The following DGCR8 variants were observed in gnomAD, a reference collection of about 807,000 sequenced individuals.
The protein encoded by DGCR8 is microprocessor complex subunit DGCR8.
Under a neutral mutation model 78.5 loss-of-function variants are expected in DGCR8, and 14 were observed. That is an observed-to-expected ratio of 0.18 (90% CI 0.12 to 0.28). The LOEUF (loss-of-function observed/expected upper bound fraction) is 0.28. Among genes scored for constraint, DGCR8 ranks in the 10% least tolerant of loss-of-function variants. The pLI, the probability that DGCR8 is intolerant of heterozygous loss-of-function variation, is 1.00. For missense variants in DGCR8, 702 were observed against 1,022.5 expected (o/e 0.69, Z 4.28); for synonymous variants, 399 against 402.4 (o/e 0.99, Z 0.10).
At chr22:20,101,577 C>CA (rs57386389) in intron 9 of DGCR8, 29,768 of 711,166 alleles carry the variant, frequency 0.042, 2 homozygotes, top group Non-Finnish European at 0.046. Flanking sequence ...GAATATGTCT[C>CA]AAAAAAAAAA....
intron 9 of DGCR8, chr22:20,102,160 TAC>T (rs1438571252): frequency 1.7e-5 from 12 of 725,166 alleles, no homozygotes; most frequent in Admixed American, 1.3e-4. Context: ...TTTTGACAAA[TAC>T]ACAGTCATGT....
At chr22:20,093,004 G>A in intron 8 of DGCR8, 97 bp downstream of exon 8, 1 of 811,114 alleles carries the variant, frequency 1.2e-6, no homozygotes, top group Non-Finnish European at 2.0e-6. Flanking sequence ...ACAAGTGGGG[G>A]ATGTGGGTGG....
In DGCR8 at chr22:20,085,630, C is replaced by A; in HGVS notation, c.-277-57C>A. On this transcript the variant is annotated intron_variant, in intron 1 of 13. Transcript: ENST00000351989. The surrounding 1 kb of genome is among the most constrained non-coding windows in gnomAD (Gnocchi z 6.2). Reference sequence around the variant, plus strand: ...ATAGTGCTTGGCTTTTAACTTGGTACCAGGGAATTGGAAGGTTTCTGTCAT... The same window carrying A: ...ATAGTGCTTGGCTTTTAACTTGGTAACAGGGAATTGGAAGGTTTCTGTCAT... 7.9e-7 allele frequency: 1 copy of A among 1,258,938 alleles called. No homozygotes were observed. The highest frequency in any genetic ancestry group is 1.0e-6 in the Non-Finnish European group (1 of 1,000,134). 78.0% of individuals were successfully genotyped at this position (1,258,938 alleles called of 1,614,324 possible).
rs2049501793 is a variant in DGCR8 at position 20,087,600 on chromosome 22, T to C, written c.880+279T>C. On this transcript the variant is annotated intron_variant, in intron 3 of 13. Coordinates refer to ENST00000351989, the MANE Select transcript of DGCR8 (RefSeq NM_022720.7). This position sits in a 1 kb window ranked among gnomAD's most constrained non-coding sequence, Gnocchi z 4.1. Reference sequence around the variant, plus strand: ...GACTTCTGAGGGGGTCAGGAGGGGATGTTGGTATATGCCAGGAGCCAGCAT... The same window carrying C: ...GACTTCTGAGGGGGTCAGGAGGGGACGTTGGTATATGCCAGGAGCCAGCAT... Among the ~76,000 whole-genome samples, 1 of 151,964 alleles carries C rather than the reference T, an allele frequency of 6.6e-6. No homozygotes were observed. The highest frequency in any genetic ancestry group is 2.1e-4 in the South Asian group (1 of 4,810).
chr22:20,085,073 C>G lies in DGCR8; in HGVS notation c.-277-614C>G, dbSNP rs1329611758. 2 of 973,594 alleles carry G rather than the reference C, an allele frequency of 2.1e-6. No homozygotes were observed. Among genetic ancestry groups the G allele is most frequent in the Non-Finnish European group, 2.4e-6 (2 of 819,378 alleles). 60.3% of individuals were successfully genotyped at this position (973,594 alleles called of 1,614,324 possible). ...ACAGCCACCCACCCCTCTCCTCCATCGGGAACAGAACTATGCTGCCACCTC... is the reference window on the plus strand; with the variant it reads ...ACAGCCACCCACCCCTCTCCTCCATGGGGAACAGAACTATGCTGCCACCTC... On this transcript the variant is annotated intron_variant, in intron 1 of 13. Transcript: ENST00000351989. The surrounding 1 kb of genome is among the most constrained non-coding windows in gnomAD (Gnocchi z 6.2).
chr22:20,096,321 G>A, intron 9 of DGCR8: 1 of 247,790 alleles, frequency 4.0e-6, no homozygotes, highest in Non-Finnish European at 6.4e-6. Context: ...AAGAAGAAGA[G>A]TTGGCCTTGG....
intron 1 of DGCR8, among the ~76,000 whole-genome samples, chr22:20,082,051 CTTTT>C (rs113585822): frequency 7.1e-6 from 1 of 140,560 alleles, no homozygotes. Flanking sequence ...TTCTTTCTTT[CTTTT>C]TTTTTTTTTT....
intron 10 of DGCR8, 149 bp from the exon 11 acceptor site, chr22:20,106,443 C>T (rs920114180): frequency 2.5e-6 from 2 of 807,746 alleles, no homozygotes; most frequent in Non-Finnish European, 4.1e-6. Context: ...AGGCCTGAAT[C>T]GGGCGTGTGG....
chr22:20,107,964 C>T (rs1179354932), intron 12 of DGCR8: 1 of 155,808 alleles, frequency 6.4e-6, no homozygotes, highest in South Asian at 2.0e-4. Context: ...CAGAAACTCT[C>T]TGGGTTCTTG....
rs2049850193 is a variant in DGCR8, at chr22:20,111,706, G to GCGCC, written c.*1599_*1600insGCCC. The GCGCC allele has an allele frequency of 3.2e-5, 2 of 63,028 alleles. No homozygotes were observed. Among genetic ancestry groups the GCGCC allele is most frequent in the Non-Finnish European group, 6.0e-5 (2 of 33,564 alleles). The allele number at this position is 63,028 out of a possible 1,614,324, so 3.9% of individuals were successfully genotyped here. On this transcript the variant is annotated 3_prime_UTR_variant, in exon 14 of 14. Transcript: ENST00000351989. ...TGCCATACTCTTGTGGTCTCTGTGCGCCCCCCCCCCCCCCCCACCCGTCTG... is the reference window on the plus strand; with the variant it reads ...TGCCATACTCTTGTGGTCTCTGTGCGCGCCCCCCCCCCCCCCCCCCACCCGTCTG...
At chr22:20,096,481 T>A in intron 9 of DGCR8, 1 of 985,386 alleles carries the variant, frequency 1.0e-6, no homozygotes, top group Non-Finnish European at 1.2e-6. Flanking sequence ...TAGCAAGGGC[T>A]TGTGGAATTT....
chr22:20,085,037 G>A lies in DGCR8; in HGVS notation c.-277-650G>A, dbSNP rs2049463706. The A allele has an allele frequency of 1.0e-6, 1 of 985,224 alleles. No homozygotes were observed. The highest frequency in any genetic ancestry group is 6.1e-5 in the Admixed American group (1 of 16,262). The allele number at this position is 985,224 out of a possible 1,614,324, so 61.0% of individuals were successfully genotyped here. A position where few individuals can be genotyped will look rare whatever the true frequency, so the allele number is the denominator to read the frequency against. The stretch of plus-strand genomic sequence containing the variant: ...GGCTCCCCACCCCAAATCCTGGCAG[G>A]TCCCTTCCCCACAGCCACCCACCCC... On this transcript the variant is annotated intron_variant, in intron 1 of 13. Coordinates refer to ENST00000351989, the MANE Select transcript of DGCR8 (RefSeq NM_022720.7). This position sits in a 1 kb window ranked among gnomAD's most constrained non-coding sequence, Gnocchi z 6.2.
intron 12 of DGCR8, 51 bp downstream of exon 12, chr22:20,107,449 C>T (rs747173219): frequency 6.8e-6 from 11 of 1,609,048 alleles, no homozygotes; most frequent in African/African-American, 5.3e-5. Context: ...CACCCTGGAG[C>T]GTATTCCTGA....
chr22:20,092,692 C>T (rs552295364), intron 7 of DGCR8, 117 bp from the exon 8 acceptor site: 1 of 819,844 alleles, frequency 1.2e-6, no homozygotes. Context: ...CAAGCACAGG[C>T]CCACTCTCTG....
Position 20,080,286 on chromosome 22 carries a change from C to T in DGCR8, c.-375C>T, listed in dbSNP as rs1489298833. 25 of 981,058 alleles carry T rather than the reference C, an allele frequency of 2.5e-5. No individual in the cohort carries two copies. The highest frequency in any genetic ancestry group is 1.1e-4 in the East Asian group (1 of 8,768). 60.8% of individuals were successfully genotyped at this position (981,058 alleles called of 1,614,324 possible). ...AGGCGGGTGCCGGCGACCGGAGAGC[C>T]TGGACAGGCTTTCCAGATGGCTGCG... On this transcript the variant is annotated 5_prime_UTR_variant, in exon 1 of 14. Transcript: ENST00000351989.
In DGCR8 at chr22:20,110,102, C is replaced by T. The variant is rs1403504351; in HGVS notation, c.2316C>T (p.Asp772=). 1.6e-5 allele frequency: 25 copies of T among 1,609,698 alleles called. No homozygotes were observed. Among genetic ancestry groups the T allele is most frequent in the Non-Finnish European group, 1.8e-5 (21 of 1,179,932 alleles). Residue 772 remains aspartate (D), a synonymous_variant, in exon 14 of 14, where the codon GAC becomes GAT. Transcript: ENST00000351989. ...GCGGTGAGCCCCTGTGCACCGTGGA[C>T]GTGTGAGGGAGGTGGCACGGGCCAG... The part of the protein sequence containing the change: ...QPGGEPLCTV[D]V
chr22:20,106,839 G>A lies in DGCR8; in HGVS notation c.1996+141G>A, dbSNP rs533363065. 2.8e-5 allele frequency: 18 copies of A among 653,734 alleles called. No individual in the cohort carries two copies. In the South Asian group the frequency reaches 3.0e-4, roughly 11 times the overall value. 40.5% of individuals were successfully genotyped at this position (653,734 alleles called of 1,614,324 possible). Reference sequence around the variant, plus strand: ...GTGTGTGCTGGCCACCACACGTTCAGCCTAAGGCGGACTGGCAGCCGTCCT... The same window carrying A: ...GTGTGTGCTGGCCACCACACGTTCAACCTAAGGCGGACTGGCAGCCGTCCT... On this transcript the variant is annotated intron_variant, in intron 11 of 13. Coordinates refer to ENST00000351989, the MANE Select transcript of DGCR8 (RefSeq NM_022720.7).
chr22:20,083,558 C>T (rs1402597812), intron 1 of DGCR8, among the ~76,000 whole-genome samples: 1 of 152,044 alleles, frequency 6.6e-6, no homozygotes, highest in African/African-American at 2.4e-5. Flanking sequence ...AGCACCTTTG[C>T]TTGGAACGTC....
rs761171335 is a variant in DGCR8, at chr22:20,089,855, G to C, written c.1023+44G>C. On this transcript the variant is annotated intron_variant, in intron 4 of 13. Coordinates refer to ENST00000351989, the MANE Select transcript of DGCR8 (RefSeq NM_022720.7). The surrounding 1 kb of genome is among the most constrained non-coding windows in gnomAD (Gnocchi z 4.9). The stretch of plus-strand genomic sequence containing the variant: ...GTGACTTTAGGCTTGTAAGTTCTCA[G>C]ACCAAAACGTGCACATCCACACACA... 6.8e-6 allele frequency: 11 copies of C among 1,608,664 alleles called. No individual in the cohort carries two copies. Among genetic ancestry groups the C allele is most frequent in the Non-Finnish European group, 9.3e-6 (11 of 1,176,650 alleles).
Sources: allele counts gnomAD v4.1 joint callset (sites outside exome capture counted in the v4.1 genomes callset), GRCh38; gene constraint gnomAD v4.1.1; non-coding constraint Gnocchi (gnomAD v3.1); transcripts MANE v1.5; gene names NCBI Gene and HGNC (gene_info 2026-07-23, HGNC 2026-07-21).